The following ELMO1 variants were observed in gnomAD, a reference collection of about 807,000 sequenced individuals.
ELMO1 encodes engulfment and cell motility 1, also known as engulfment and cell motility protein 1.
In ELMO1, 26 loss-of-function variants were observed where a neutral mutation model predicts 98.9. The ratio of observed to expected loss-of-function variants is 0.26; its 90% CI spans 0.19 to 0.36. The LOEUF (loss-of-function observed/expected upper bound fraction) is 0.36, where lower values mean the gene tolerates loss of function less well. Ranked by LOEUF, ELMO1 falls within the 10% of genes least tolerant of loss-of-function variation. The probability of loss-of-function intolerance (pLI) is 1.00; values close to 1 mark genes in which losing one functional copy is unlikely to be tolerated. For missense variants in ELMO1, 627 were observed against 935.2 expected, an observed-to-expected ratio of 0.67 and a Z score of 4.30; for synonymous variants, 346 against 346.0, an observed-to-expected ratio of 1.00 and a Z score of 0.00.
intron 16 of ELMO1, chr7:36,985,155 A>C (rs1339371296): frequency 1.0e-6 from 1 of 972,128 alleles, no homozygotes; most frequent in Non-Finnish European, 1.2e-6. Flanking sequence ...AACCCCAGGG[A>C]GCAGAGCAAT....
At chr7:36,877,333 A>C (rs1804064012) in intron 19 of ELMO1, among the ~76,000 whole-genome samples, 1 of 152,136 alleles carries the variant, frequency 6.6e-6, no homozygotes, top group African/African-American at 2.4e-5. Flanking sequence ...TGTGTATTTC[A>C]GTGTTTCTAT....
chr7:37,135,045 T>C lies in ELMO1; in HGVS notation c.1087-1811A>G, dbSNP rs371540302. On this transcript the variant is annotated intron_variant, in intron 13 of 21. Transcript: ENST00000310758. ...CAACAAAAATTATACTTGTACCCCA[T>C]AAATTTACCCAAATAAAAAATAGTT... is the stretch of plus-strand genomic sequence containing the variant. 2.0e-4 allele frequency among the ~76,000 whole-genome samples: 31 copies of C among 152,296 alleles called. No homozygotes were observed. The East Asian group carries it at 5.2e-3, about 26-fold the overall frequency.
chr7:37,426,142 C>CTTTTTTTTTTT lies in ELMO1; in HGVS notation c.-74+22522_-74+22532dup, dbSNP rs36086006. On this transcript the variant is annotated intron_variant, in intron 1 of 21. Transcript: ENST00000310758. ...TCTCTCTCTCCCTCTTTTTTTCTTTCTTTTTTTTTTTTTTTTTTTTTTTTT... is the reference window on the plus strand; with the variant it reads ...TCTCTCTCTCCCTCTTTTTTTCTTTCTTTTTTTTTTTTTTTTTTTTTTTTTTTTTTTTTTTT... Among the ~76,000 whole-genome samples, 90 of 84,584 alleles carry CTTTTTTTTTTT rather than the reference C, an allele frequency of 1.1e-3. 2 individuals are homozygous for CTTTTTTTTTTT. The highest frequency in any genetic ancestry group is 1.6e-3 in the Admixed American group (10 of 6,406). 55.5% of individuals were successfully genotyped at this position (84,584 alleles called of 152,430 possible). A position where few individuals can be genotyped will look rare whatever the true frequency, so the allele number is the denominator to read the frequency against.
At chr7:37,409,067 C>G (rs772854490) in intron 1 of ELMO1, among the ~76,000 whole-genome samples, 1 of 147,404 alleles carries the variant, frequency 6.8e-6, no homozygotes, top group Non-Finnish European at 1.5e-5. Context: ...GAGTTCAGAA[C>G]AAACTCAGCA....
At chr7:37,050,544 CT>C (rs1422890352) in intron 15 of ELMO1, among the ~76,000 whole-genome samples, 2 of 150,542 alleles carry the variant, frequency 1.3e-5, no homozygotes, top group African/African-American at 4.9e-5. Context: ...AGCATGGAGA[CT>C]ACTGTCAATA....
At chr7:37,039,019 G>A (rs1418876830) in intron 15 of ELMO1, among the ~76,000 whole-genome samples, 3 of 152,150 alleles carry the variant, frequency 2.0e-5, no homozygotes, top group East Asian at 1.9e-4. Flanking sequence ...TACATTTGGA[G>A]GGAGGACACA....
At chr7:37,248,200 G>A (rs1037894131) in intron 6 of ELMO1, among the ~76,000 whole-genome samples, 6 of 151,794 alleles carry the variant, frequency 4.0e-5, no homozygotes, top group Non-Finnish European at 8.8e-5. Context: ...TTATATGTGT[G>A]TGTGTGTGTG....
intron 4 of ELMO1, among the ~76,000 whole-genome samples, chr7:37,280,388 AG>A (rs1797072322): frequency 6.6e-6 from 1 of 152,238 alleles, no homozygotes; most frequent in Non-Finnish European, 1.5e-5. Context: ...TGCACAGCAA[AG>A]GGAACAGTCA....
At chr7:37,335,161 G>A (rs1800330585) in intron 2 of ELMO1, among the ~76,000 whole-genome samples, 1 of 152,150 alleles carries the variant, frequency 6.6e-6, no homozygotes, top group Non-Finnish European at 1.5e-5. Flanking sequence ...AAAGCTACAG[G>A]CAAAGAAAAT....
At chr7:37,398,724 C>T (rs1032350861) in intron 1 of ELMO1, among the ~76,000 whole-genome samples, 2 of 152,176 alleles carry the variant, frequency 1.3e-5, no homozygotes, top group Non-Finnish European at 2.9e-5. Flanking sequence ...TAATTCCTCT[C>T]GGAAAATGGA....
chr7:37,240,070 ACT>A (rs1214650929), intron 7 of ELMO1, among the ~76,000 whole-genome samples: 1 of 130,096 alleles, frequency 7.7e-6, no homozygotes, highest in Non-Finnish European at 1.6e-5. Context: ...ACAGAGTCTC[ACT>A]CTGTTGCCCA....
intron 16 of ELMO1, among the ~76,000 whole-genome samples, chr7:36,991,094 C>T (rs189988386): frequency 5.8e-4 from 88 of 152,290 alleles, no homozygotes; most frequent in African/African-American, 1.2e-3. Flanking sequence ...CTACAGTTTA[C>T]GACATGGCTA....
At chr7:36,877,945 T>C in intron 19 of ELMO1, 65 bp downstream of exon 19, 1 of 1,222,790 alleles carries the variant, frequency 8.2e-7, no homozygotes, top group Non-Finnish European at 1.2e-6. Context: ...TGTTGCGTGA[T>C]ATATTGTGAC....
intron 4 of ELMO1, among the ~76,000 whole-genome samples, chr7:37,280,553 A>G (rs1797081528): frequency 6.6e-6 from 1 of 152,168 alleles, no homozygotes; most frequent in South Asian, 2.1e-4. Context: ...TGAATAGACA[A>G]TTCTCAAAAA....
intron 8 of ELMO1, among the ~76,000 whole-genome samples, chr7:37,226,033 T>C (rs1191798462): frequency 6.6e-6 from 1 of 152,148 alleles, no homozygotes; most frequent in African/African-American, 2.4e-5. Flanking sequence ...CTCTCCATCT[T>C]TGCACATGAT....
At chr7:37,059,502 T>G (rs1162013098) in intron 15 of ELMO1, among the ~76,000 whole-genome samples, 1 of 152,200 alleles carries the variant, frequency 6.6e-6, no homozygotes, top group African/African-American at 2.4e-5. Context: ...ACAGAAGCCA[T>G]TTCTGTGTTT....
chr7:37,250,175 A>C (rs995884640), intron 6 of ELMO1, among the ~76,000 whole-genome samples: 1 of 152,218 alleles, frequency 6.6e-6, no homozygotes, highest in Non-Finnish European at 1.5e-5. Flanking sequence ...TGTACTATGC[A>C]CATTCTTCAA....
intron 21 of ELMO1, among the ~76,000 whole-genome samples, chr7:36,857,835 A>G (rs1802324292): frequency 6.6e-6 from 1 of 152,242 alleles, no homozygotes; most frequent in Non-Finnish European, 1.5e-5. Flanking sequence ...CACTACAAGT[A>G]ATCAAGGCTT....
intron 1 of ELMO1, among the ~76,000 whole-genome samples, chr7:37,431,142 G>A (rs1804913915): frequency 6.6e-6 from 1 of 152,168 alleles, no homozygotes; most frequent in South Asian, 2.1e-4. Context: ...TTTGAGACCA[G>A]CATGGGCAAC....
Sources: gnomAD v4.1 joint callset for allele counts (sites outside exome capture counted in the v4.1 genomes callset) on GRCh38, gnomAD v4.1.1 for gene constraint, MANE v1.5 for transcripts, NCBI Gene and HGNC (gene_info 2026-07-23, HGNC 2026-07-21) for gene names.